The following MCOLN2 variants were observed in gnomAD, a reference collection of about 807,000 sequenced individuals.
The protein encoded by MCOLN2 is mucolipin TRP cation channel 2, also known as mucolipin-2.
In MCOLN2, 57 loss-of-function variants were observed where a neutral mutation model predicts 67.5. That is an observed-to-expected ratio of 0.84 (90% CI 0.68 to 1.05). MCOLN2 has a LOEUF of 1.05. Among genes scored for constraint, MCOLN2 ranks in the 50% least tolerant of loss-of-function variants. MCOLN2 has a pLI of 0.00. For missense variants in MCOLN2, 620 were observed against 678.8 expected, an observed-to-expected ratio of 0.91 and a Z score of 0.96; for synonymous variants, 246 against 233.3, an observed-to-expected ratio of 1.05 and a Z score of -0.50.
At chr1:84,990,923 C>T (rs368114190) in intron 1 of MCOLN2, among the ~76,000 whole-genome samples, 50 of 150,964 alleles carry the variant, frequency 3.3e-4, no homozygotes, top group South Asian at 2.3e-3. Flanking sequence ...TGACAGAACA[C>T]GACCCAGGCT....
intron 7 of MCOLN2, among the ~76,000 whole-genome samples, chr1:84,943,422 T>C (rs988198741): frequency 2.6e-5 from 4 of 151,108 alleles, no homozygotes; most frequent in African/African-American, 9.7e-5. Flanking sequence ...TGGGGAGCAA[T>C]GTTTGAGAAT....
chr1:84,962,008 T>C (rs1649112335), intron 2 of MCOLN2, among the ~76,000 whole-genome samples: 1 of 151,962 alleles, frequency 6.6e-6, no homozygotes, highest in Admixed American at 6.6e-5. Context: ...CTCATACCCA[T>C]CCCATTAGAC....
intron 7 of MCOLN2, among the ~76,000 whole-genome samples, chr1:84,941,674 G>A (rs981934572): frequency 6.6e-6 from 1 of 152,104 alleles, no homozygotes; most frequent in Non-Finnish European, 1.5e-5. Context: ...TCACATAAAA[G>A]CAGAGACATC....
chr1:84,940,461 T>C (rs967120978), intron 8 of MCOLN2, among the ~76,000 whole-genome samples: 1 of 152,174 alleles, frequency 6.6e-6, no homozygotes, highest in Non-Finnish European at 1.5e-5. Context: ...AATAAAGTAT[T>C]TTATGCTTCA....
chr1:84,955,937 CA>C (rs1371340200), intron 4 of MCOLN2, among the ~76,000 whole-genome samples: 7 of 152,050 alleles, frequency 4.6e-5, no homozygotes, highest in African/African-American at 1.7e-4. Context: ...AAATTCTTAA[CA>C]AAATAGCACA....
At chr1:84,951,849 G>C (rs1648495376) in intron 6 of MCOLN2, among the ~76,000 whole-genome samples, 1 of 152,172 alleles carries the variant, frequency 6.6e-6, no homozygotes, top group African/African-American at 2.4e-5. Flanking sequence ...GAGGCAGGCA[G>C]ATCACTTGAG....
chr1:84,958,491 A>G (rs753290885), intron 3 of MCOLN2, 38 bp downstream of exon 3: 2 of 1,494,062 alleles, frequency 1.3e-6, no homozygotes, highest in Non-Finnish European at 9.0e-7. Flanking sequence ...GTATCAATAC[A>G]TTGTTAAAGT....
intron 1 of MCOLN2, among the ~76,000 whole-genome samples, chr1:84,966,766 C>T (rs1649400339): frequency 6.6e-6 from 1 of 151,970 alleles, no homozygotes; most frequent in Admixed American, 6.6e-5. Flanking sequence ...CAAGGTAGGC[C>T]AAAAAGAACC....
At chr1:84,987,497 T>TATA in intron 1 of MCOLN2, among the ~76,000 whole-genome samples, 1 of 40,646 alleles carries the variant, frequency 2.5e-5, no homozygotes, top group Non-Finnish European at 5.8e-5. Flanking sequence ...TACATATGTA[T>TATA]ACATAGATGT....
intron 6 of MCOLN2, among the ~76,000 whole-genome samples, chr1:84,951,035 C>T (rs1648402005): frequency 6.6e-6 from 1 of 152,210 alleles, no homozygotes; most frequent in Non-Finnish European, 1.5e-5. Flanking sequence ...ATGCTCCTCT[C>T]CTGCCTTTCT....
In MCOLN2 at chr1:84,996,964, C is replaced by T; in HGVS notation, c.-92G>A. The T allele has an allele frequency of 8.3e-7, 1 of 1,202,100 alleles. No individual in the cohort carries two copies. The highest frequency in any genetic ancestry group is 1.5e-5 in the African/African-American group (1 of 66,098). 74.5% of individuals were successfully genotyped at this position (1,202,100 alleles called of 1,614,324 possible). A position where few individuals can be genotyped will look rare whatever the true frequency, so the allele number is the denominator to read the frequency against. On this transcript the variant is annotated 5_prime_UTR_variant, in exon 1 of 14. Coordinates refer to ENST00000370608, the MANE Select transcript of MCOLN2 (RefSeq NM_153259.4). ...TCATTTCGCCCTCGCCGTAACGCGT[C>T]CGCCGAAGTTGGAGCCCTGCAAAGC...
chr1:84,996,656 C>T, intron 1 of MCOLN2, 140 bp downstream of exon 1: 1 of 707,026 alleles, frequency 1.4e-6, no homozygotes, highest in East Asian at 2.7e-5. Flanking sequence ...CACAGCCTAG[C>T]CTTATTTAAC....
chr1:84,982,452 T>G (rs945752167), intron 1 of MCOLN2, among the ~76,000 whole-genome samples: 19 of 152,228 alleles, frequency 1.2e-4, no homozygotes, highest in African/African-American at 4.6e-4. Flanking sequence ...AATTCATTTT[T>G]AATATCCTCA....
intron 7 of MCOLN2, among the ~76,000 whole-genome samples, chr1:84,943,538 C>T (rs1295795679): frequency 6.6e-6 from 1 of 152,054 alleles, no homozygotes; most frequent in Non-Finnish European, 1.5e-5. Context: ...CGGTCAGAGT[C>T]TTCCACAGCA....
chr1:84,943,429 G>A (rs1295273874), intron 7 of MCOLN2, among the ~76,000 whole-genome samples: 2 of 152,064 alleles, frequency 1.3e-5, no homozygotes, highest in African/African-American at 4.8e-5. Flanking sequence ...CAATGTTTGA[G>A]AATTAGAAAA....
intron 6 of MCOLN2, among the ~76,000 whole-genome samples, chr1:84,948,540 A>G (rs1193482634): frequency 6.6e-6 from 1 of 152,226 alleles, no homozygotes; most frequent in Non-Finnish European, 1.5e-5. Context: ...AAAAGGCAAG[A>G]AAACATGGCA....
intron 1 of MCOLN2, among the ~76,000 whole-genome samples, chr1:84,978,195 T>TG (rs989421529): frequency 2.0e-5 from 3 of 151,840 alleles, no homozygotes; most frequent in Admixed American, 6.6e-5. Context: ...CAAATGATAA[T>TG]GGAAACACAA....
chr1:84,957,884 G>A (rs1441902043), intron 3 of MCOLN2, among the ~76,000 whole-genome samples: 1 of 152,132 alleles, frequency 6.6e-6, no homozygotes, highest in East Asian at 1.9e-4. Flanking sequence ...CTACATATTA[G>A]ATACTTCAAT....
At chr1:84,959,971 G>A (rs143927938) in intron 2 of MCOLN2, among the ~76,000 whole-genome samples, 7 of 152,266 alleles carry the variant, frequency 4.6e-5, no homozygotes, top group African/African-American at 1.7e-4. Context: ...AGGCCGAGGT[G>A]GGAGGATCAC....
Sources: gnomAD v4.1 joint callset for allele counts (sites outside exome capture counted in the v4.1 genomes callset) on GRCh38, gnomAD v4.1.1 for gene constraint, MANE v1.5 for transcripts, NCBI Gene and HGNC (gene_info 2026-07-23, HGNC 2026-07-21) for gene names.